PLEKHM2: variants seen among roughly 807,000 people sequenced by gnomAD.
PLEKHM2 encodes pleckstrin homology domain-containing family M member 2.
A neutral mutation model predicts 116.3 loss-of-function variants in PLEKHM2; 77 were observed. That is an observed-to-expected ratio of 0.66 (90% CI 0.55 to 0.80). The LOEUF is 0.80. Ranked by LOEUF, PLEKHM2 falls within the 30% of genes least tolerant of loss-of-function variation. The pLI is 0.00. For missense variants in PLEKHM2, 1,183 were observed against 1,354.9 expected (o/e 0.87, Z 1.99); for synonymous variants, 562 against 571.0 (o/e 0.98, Z 0.22).
intron 1 of PLEKHM2, among the ~76,000 whole-genome samples, chr1:15,693,783 A>G (rs1640935314): frequency 6.6e-6 from 1 of 152,240 alleles, no homozygotes; most frequent in Admixed American, 6.5e-5. Flanking sequence ...AGTAAGAGGC[A>G]GAGTGGTCCA....
chr1:15,686,648 A>ATTTTTTTTTT (rs1233033159), intron 1 of PLEKHM2, among the ~76,000 whole-genome samples: 2 of 134,230 alleles, frequency 1.5e-5, no homozygotes, highest in African/African-American at 5.9e-5. Context: ...ACCCGGCTAA[A>ATTTTTTTTTT]TTTTTTTTTT....
intron 1 of PLEKHM2, among the ~76,000 whole-genome samples, chr1:15,708,250 C>T (rs569377361): frequency 2.0e-5 from 3 of 151,572 alleles, no homozygotes; most frequent in Admixed American, 6.6e-5. Context: ...TGGAGTCTCG[C>T]TCTGTCGCCA....
intron 1 of PLEKHM2, among the ~76,000 whole-genome samples, chr1:15,709,367 T>C (rs1249618370): frequency 6.6e-6 from 1 of 152,224 alleles, no homozygotes; most frequent in African/African-American, 2.4e-5. Context: ...CTTCTGATAC[T>C]GGAGCGGGAG....
chr1:15,687,078 G>A (rs1304553313), intron 1 of PLEKHM2, among the ~76,000 whole-genome samples: 3 of 151,180 alleles, frequency 2.0e-5, no homozygotes, highest in Non-Finnish European at 4.4e-5. Flanking sequence ...ATGAGCCACC[G>A]TGCCCGACTA....
At chr1:15,705,104 C>A (rs559755444) in intron 1 of PLEKHM2, among the ~76,000 whole-genome samples, 48 of 151,724 alleles carry the variant, frequency 3.2e-4, no homozygotes, top group Admixed American at 2.0e-3. Context: ...GCTGGCGGCA[C>A]CCCCCCTGCC....
In PLEKHM2 at chr1:15,732,054, C is replaced by T. The variant is rs2148380735; in HGVS notation, c.2625+6C>T. ...GCCAGGCTGTGTCCAAAGGGGTGAG[C>T]TTCGCCTGCCCCTACCGCTCACCTG... On this transcript the variant is annotated splice_donor_region_variant and intron_variant, in intron 17 of 19. Transcript: ENST00000375799. 6.2e-7 allele frequency: 1 copy of T among 1,606,796 alleles called. No homozygotes were observed. Among genetic ancestry groups the T allele is most frequent in the Non-Finnish European group, 8.5e-7 (1 of 1,177,104 alleles).
Position 15,719,651 on chromosome 1 carries a change from C to T in PLEKHM2, c.466-83C>T. 1 of 877,026 alleles carries T rather than the reference C, an allele frequency of 1.1e-6. No individual in the cohort carries two copies. Among genetic ancestry groups the T allele is most frequent in the South Asian group, 1.6e-5 (1 of 61,506 alleles). The allele number at this position is 877,026 out of a possible 1,614,324, so 54.3% of individuals were successfully genotyped here. A position where few individuals can be genotyped will look rare whatever the true frequency, so the allele number is the denominator to read the frequency against. On this transcript the variant is annotated intron_variant, in intron 5 of 19. Coordinates refer to ENST00000375799, the MANE Select transcript of PLEKHM2 (RefSeq NM_015164.4). This position sits in a 1 kb window ranked among gnomAD's most constrained non-coding sequence, Gnocchi z 4.1. ...ATTTCCCAAAGAGGCACATCTGTGT[C>T]TCCCAGGCCTGGATCCTGCTGTCTG...
Position 15,728,820 on chromosome 1 carries a change from G to T in PLEKHM2, c.1986+87G>T. 8.1e-7 allele frequency: 1 copy of T among 1,234,572 alleles called. No homozygotes were observed. The highest frequency in any genetic ancestry group is 1.2e-6 in the Non-Finnish European group (1 of 859,838). 76.5% of individuals were successfully genotyped at this position (1,234,572 alleles called of 1,614,324 possible). Reference sequence around the variant, plus strand: ...CCATAGAACTGCAGGGCGAGGCACGGCCCCTTACTCCCCTCCCGGGGTTGG... The same window carrying T: ...CCATAGAACTGCAGGGCGAGGCACGTCCCCTTACTCCCCTCCCGGGGTTGG... On this transcript the variant is annotated intron_variant, in intron 12 of 19. Transcript: ENST00000375799. The surrounding 1 kb of genome is among the most constrained non-coding windows in gnomAD (Gnocchi z 5.9).
At chr1:15,707,777 A>C (rs538537163) in intron 1 of PLEKHM2, among the ~76,000 whole-genome samples, 48 of 152,326 alleles carry the variant, frequency 3.2e-4, no homozygotes, top group African/African-American at 1.1e-3. Context: ...TGTACCAGCA[A>C]GGGCTGTTGG....
chr1:15,728,788 CACTT>C lies in PLEKHM2; in HGVS notation c.1986+58_1986+61del. ...GCTGTAGGTACAGGGCTTCTCAAGC[CACTT>C]ACCCATAGAACTGCAGGGCGAGGCA... On this transcript the variant is annotated intron_variant, in intron 12 of 19. Coordinates refer to ENST00000375799, the MANE Select transcript of PLEKHM2 (RefSeq NM_015164.4). This position sits in a 1 kb window ranked among gnomAD's most constrained non-coding sequence, Gnocchi z 5.9. The C allele has an allele frequency of 6.7e-7, 1 of 1,485,764 alleles. No homozygotes were observed. 92.0% of individuals were successfully genotyped at this position (1,485,764 alleles called of 1,614,324 possible).
chr1:15,730,668 C>A lies in PLEKHM2; in HGVS notation c.2345C>A (p.Ala782Glu), dbSNP rs374474391. The A allele has an allele frequency of 1.9e-6, 3 of 1,609,842 alleles. No individual in the cohort carries two copies. The Admixed American group carries it at 5.0e-5, about 27-fold the overall frequency. Residue 782 changes from alanine (A) to glutamate (E), a missense_variant, in exon 15 of 20, where the codon GCG becomes GAG. Ala to Glu is a moderately radical substitution (Grantham distance 107, BLOSUM62 -1). This residue lies in a region of PLEKHM2 where 594 missense variants were observed against 720.1 expected (regional missense o/e 0.82). Coordinates refer to ENST00000375799, the MANE Select transcript of PLEKHM2 (RefSeq NM_015164.4). ...ITKEGMLHYKAGTSYLGKEHW... is the reference protein window; with the variant it reads ...ITKEGMLHYKEGTSYLGKEHW... ...AAAGAAGGCATGCTGCACTACAAGG[C>A]GGGCACCTCCTACCTGGGCAAGGAA... is the stretch of plus-strand genomic sequence containing the variant.
intron 16 of PLEKHM2, 126 bp downstream of exon 16, chr1:15,731,383 A>T (rs1391311719): frequency 1.3e-6 from 1 of 761,528 alleles, no homozygotes; most frequent in African/African-American, 1.7e-5. Flanking sequence ...CGGCCCTGAC[A>T]GGTGGCCTGG....
chr1:15,727,127 ACAGCCGCAAC>A lies in PLEKHM2; in HGVS notation c.1056_1065del (p.Asp352GlufsTer40). 1 of 1,588,554 alleles carries A rather than the reference ACAGCCGCAAC, an allele frequency of 6.3e-7. No homozygotes were observed. Among genetic ancestry groups the A allele is most frequent in the South Asian group, 1.1e-5 (1 of 87,514 alleles). ...AAATGTGCCAAGCAGGGGGACGGTG[ACAGCCGCAAC>A]GGCAGCCCAAGCCTTGGGCGGGACT... On this transcript the variant is annotated frameshift_variant, in exon 9 of 20. Coordinates refer to ENST00000375799, the MANE Select transcript of PLEKHM2 (RefSeq NM_015164.4). LOFTEE classifies it high-confidence loss of function. The surrounding 1 kb of genome is among the most constrained non-coding windows in gnomAD (Gnocchi z 7.5).
chr1:15,706,704 G>A (rs1641233841), intron 1 of PLEKHM2, among the ~76,000 whole-genome samples: 3 of 152,262 alleles, frequency 2.0e-5, no homozygotes, highest in Non-Finnish European at 2.9e-5. Flanking sequence ...ACTGTGCCCG[G>A]CTTTTGTATT....
At chr1:15,709,043 G>A (rs957303094) in intron 1 of PLEKHM2, among the ~76,000 whole-genome samples, 3 of 152,146 alleles carry the variant, frequency 2.0e-5, no homozygotes, top group African/African-American at 7.2e-5. Flanking sequence ...TAGGTAACTT[G>A]CCCAAGGTCA....
chr1:15,703,521 C>T (rs1398839343), intron 1 of PLEKHM2, among the ~76,000 whole-genome samples: 1 of 152,166 alleles, frequency 6.6e-6, no homozygotes, highest in African/African-American at 2.4e-5. Flanking sequence ...AAAGGAAGGA[C>T]GTCACTTGGA....
intron 1 of PLEKHM2, among the ~76,000 whole-genome samples, chr1:15,689,295 G>A (rs1299048745): frequency 6.6e-6 from 1 of 150,804 alleles, no homozygotes; most frequent in African/African-American, 2.4e-5. Context: ...TTCAGAGAAA[G>A]AGAAGAAGCA....
chr1:15,727,287 C>T lies in PLEKHM2; in HGVS notation c.1215C>T (p.Arg405=), dbSNP rs779112076. 2.2e-5 allele frequency: 35 copies of T among 1,605,420 alleles called. No individual in the cohort carries two copies. Among genetic ancestry groups the T allele is most frequent in the Non-Finnish European group, 2.9e-5 (34 of 1,176,970 alleles). Residue 405 remains arginine, a synonymous_variant, in exon 9 of 20, where the codon CGC becomes CGT. Coordinates refer to ENST00000375799, the MANE Select transcript of PLEKHM2 (RefSeq NM_015164.4). This position sits in a 1 kb window ranked among gnomAD's most constrained non-coding sequence, Gnocchi z 7.5. ...AGATGAAGGACACCTCCATGGAGCG[C>T]TTGGGGCAGCCCCTGAGCAAGGTTA... ...IPEMKDTSME[R]LGQPLSKVID...
chr1:15,711,950 C>G (rs12058886), intron 1 of PLEKHM2, among the ~76,000 whole-genome samples: 5,639 of 151,958 alleles, frequency 0.037, 359 homozygotes, highest in African/African-American at 0.13. Flanking sequence ...GAAACCCCAT[C>G]TCTACTAAAA....
Sources: allele counts gnomAD v4.1 joint callset (sites outside exome capture counted in the v4.1 genomes callset), GRCh38; gene constraint gnomAD v4.1.1; regional missense constraint gnomAD v4.1.1; non-coding constraint Gnocchi (gnomAD v3.1); transcripts MANE v1.5; gene names NCBI Gene and HGNC (gene_info 2026-07-23, HGNC 2026-07-21).